TRABD2B: variants seen among roughly 807,000 people sequenced by gnomAD.
TRABD2B encodes the protein metalloprotease TIKI2.
A neutral mutation model predicts 40.1 loss-of-function variants in TRABD2B; 14 were observed. The ratio of observed to expected loss-of-function variants is 0.35; its 90% CI spans 0.23 to 0.55. The LOEUF (loss-of-function observed/expected upper bound fraction) is 0.55. TRABD2B is among the 20% of genes least tolerant of loss of function. The probability of loss-of-function intolerance (pLI) is 0.90; values close to 1 mark genes in which losing one functional copy is unlikely to be tolerated. For synonymous variants in TRABD2B, 263 were observed against 277.0 expected, an observed-to-expected ratio of 0.95 and a Z score of 0.50; for missense variants, 541 against 648.6, an observed-to-expected ratio of 0.83 and a Z score of 1.80.
intron 2 of TRABD2B, among the ~76,000 whole-genome samples, chr1:47,982,813 A>G (rs1454912848): frequency 6.6e-6 from 1 of 152,014 alleles, no homozygotes; most frequent in Non-Finnish European, 1.5e-5. Context: ...TTTCCACCTC[A>G]TCTCCAGGGG....
chr1:47,950,697 T>A (rs1452267606), intron 2 of TRABD2B, among the ~76,000 whole-genome samples: 1 of 152,224 alleles, frequency 6.6e-6, no homozygotes, highest in African/African-American at 2.4e-5. Context: ...CAACAGAGGC[T>A]GCCTCGGTCA....
At chr1:47,774,886 G>T (rs886773067) in intron 6 of TRABD2B, among the ~76,000 whole-genome samples, 2 of 152,258 alleles carry the variant, frequency 1.3e-5, no homozygotes, top group African/African-American at 4.8e-5. Context: ...GTACAGGTGT[G>T]TCCCAGGAAA....
chr1:47,843,693 G>C (rs1645429988), intron 2 of TRABD2B, among the ~76,000 whole-genome samples: 1 of 152,158 alleles, frequency 6.6e-6, no homozygotes, highest in South Asian at 2.1e-4. Flanking sequence ...CACTGTGAAG[G>C]AGTGGCCAGC....
chr1:47,928,553 A>T (rs2124755277), intron 2 of TRABD2B, among the ~76,000 whole-genome samples: 1 of 152,338 alleles, frequency 6.6e-6, no homozygotes, highest in African/African-American at 2.4e-5. Flanking sequence ...TGCCTCCAAC[A>T]ATGCAGACAC....
At chr1:47,990,818 TATATATATATATATATAA>T (rs1645998445) in intron 2 of TRABD2B, among the ~76,000 whole-genome samples, 2 of 80,542 alleles carry the variant, frequency 2.5e-5, no homozygotes, top group Admixed American at 2.9e-4. Context: ...TATATATATA[TATATATATATATATATAA>T]AACGTTGGTT....
chr1:47,829,747 T>C (rs1645224574), intron 2 of TRABD2B, among the ~76,000 whole-genome samples: 1 of 152,184 alleles, frequency 6.6e-6, no homozygotes, highest in Non-Finnish European at 1.5e-5. Context: ...CGTGAATAAA[T>C]TCATGCATGA....
At chr1:47,854,045 T>C (rs139248797) in intron 2 of TRABD2B, among the ~76,000 whole-genome samples, 1 of 152,342 alleles carries the variant, frequency 6.6e-6, no homozygotes, top group East Asian at 1.9e-4. Context: ...TCTCCCACAA[T>C]TCATATGACA....
At chr1:47,885,599 T>TC in intron 2 of TRABD2B, among the ~76,000 whole-genome samples, 1 of 152,006 alleles carries the variant, frequency 6.6e-6, no homozygotes, top group East Asian at 1.9e-4. Context: ...TTATGTGCTC[T>TC]CCCCCCAAAT....
chr1:47,863,190 C>T (rs1643999254), intron 2 of TRABD2B, among the ~76,000 whole-genome samples: 1 of 150,908 alleles, frequency 6.6e-6, no homozygotes. Flanking sequence ...AAGCATGATC[C>T]ATGAAAGAAA....
chr1:47,770,095 C>A (rs973904253), intron 6 of TRABD2B, among the ~76,000 whole-genome samples: 2 of 152,186 alleles, frequency 1.3e-5, no homozygotes, highest in African/African-American at 4.8e-5. Context: ...ATCTGGGCAT[C>A]CCAAGCCTTC....
chr1:47,772,566 AGGT>A (rs1374779065), intron 6 of TRABD2B, among the ~76,000 whole-genome samples: 1 of 151,964 alleles, frequency 6.6e-6, no homozygotes, highest in African/African-American at 2.4e-5. Context: ...GAGCTGGGAG[AGGT>A]GATGGGGAGT....
At chr1:47,773,024 A>C (rs1490509957) in intron 6 of TRABD2B, among the ~76,000 whole-genome samples, 1 of 152,238 alleles carries the variant, frequency 6.6e-6, no homozygotes, top group Non-Finnish European at 1.5e-5. Context: ...GTGAGAAGGA[A>C]GCCGTTTGGA....
At chr1:47,839,891 G>C (rs945699601) in intron 2 of TRABD2B, among the ~76,000 whole-genome samples, 2 of 152,288 alleles carry the variant, frequency 1.3e-5, no homozygotes, top group South Asian at 4.2e-4. Flanking sequence ...CTGGACATGG[G>C]CAGTGTTGAG....
At chr1:47,846,857 TACACAC>T (rs67359073) in intron 2 of TRABD2B, among the ~76,000 whole-genome samples, 4,585 of 106,420 alleles carry the variant, frequency 0.043, 98 homozygotes, top group Non-Finnish European at 0.07. Context: ...AAAACATGCA[TACACAC>T]ACACACACAC....
At chr1:47,812,173 C>G (rs1033867216) in intron 2 of TRABD2B, among the ~76,000 whole-genome samples, 19 of 152,228 alleles carry the variant, frequency 1.2e-4, no homozygotes, top group African/African-American at 4.1e-4. Context: ...CGAACACACT[C>G]TGTCCATTGA....
intron 2 of TRABD2B, among the ~76,000 whole-genome samples, chr1:47,841,379 T>C (rs893822891): frequency 9.2e-5 from 14 of 152,238 alleles, no homozygotes; most frequent in Admixed American, 3.3e-4. Context: ...CTCCCCTGGA[T>C]ACAAGGTTTT....
At chr1:47,956,484 G>A (rs1645425029) in intron 2 of TRABD2B, among the ~76,000 whole-genome samples, 1 of 152,210 alleles carries the variant, frequency 6.6e-6, no homozygotes, top group Non-Finnish European at 1.5e-5. Context: ...GATGGTACCT[G>A]CAAAATCGGG....
rs1644244427 is a variant in TRABD2B at position 47,761,562 on chromosome 1, T to C, written c.*4340A>G. On this transcript the variant is annotated 3_prime_UTR_variant, in exon 7 of 7. Coordinates refer to ENST00000606738, the MANE Select transcript of TRABD2B (RefSeq NM_001194986.2). ...CTGGTTTAGACAGCCAGCGGGGTGATTTTTTTTGGCTGCTCAGATGAATTT... is the reference window on the plus strand; with the variant it reads ...CTGGTTTAGACAGCCAGCGGGGTGACTTTTTTTGGCTGCTCAGATGAATTT... 1 of 152,082 alleles carries C rather than the reference T, an allele frequency of 6.6e-6. No homozygotes were observed. Among genetic ancestry groups the C allele is most frequent in the East Asian group, 1.9e-4 (1 of 5,188 alleles). 9.4% of individuals were successfully genotyped at this position (152,082 alleles called of 1,614,324 possible). A position where few individuals can be genotyped will look rare whatever the true frequency, so the allele number is the denominator to read the frequency against.
chr1:47,882,790 C>G (rs1644322997), intron 2 of TRABD2B, among the ~76,000 whole-genome samples: 2 of 151,888 alleles, frequency 1.3e-5, no homozygotes, highest in Non-Finnish European at 2.9e-5. Flanking sequence ...AAGTTGGTAG[C>G]TTGTGGGGAA....
Sources: allele counts gnomAD v4.1 joint callset (sites outside exome capture counted in the v4.1 genomes callset), GRCh38; gene constraint gnomAD v4.1.1; transcripts MANE v1.5; gene names NCBI Gene and HGNC (gene_info 2026-07-23, HGNC 2026-07-21).